Variants in ARV1 observed in about 807,000 individuals in gnomAD.
ARV1 encodes the protein protein ARV1.
ARV1 carries 26 observed loss-of-function variants against 31.1 expected under a neutral mutation model. That is an observed-to-expected ratio of 0.84 (90% CI 0.61 to 1.16). The LOEUF is 1.16. Ranked by LOEUF, ARV1 falls within the 50% of genes most tolerant of loss-of-function variation. The pLI, the probability that ARV1 is intolerant of heterozygous loss-of-function variation, is 0.00. For missense variants in ARV1, 281 were observed against 324.9 expected, an observed-to-expected ratio of 0.86 and a Z score of 1.04; for synonymous variants, 117 against 123.2, an observed-to-expected ratio of 0.95 and a Z score of 0.34.
rs1291276707 is a variant in ARV1, at chr1:230,995,803, A to T, written c.492A>T (p.Val164=). 2.5e-6 allele frequency: 4 copies of T among 1,614,100 alleles called. No homozygotes were observed. The East Asian group carries it at 6.7e-5, about 27-fold the overall frequency. Residue 164 remains valine, a synonymous_variant, in exon 4 of 6, where the codon GTA becomes GTT. Coordinates refer to ENST00000310256, the MANE Select transcript of ARV1 (RefSeq NM_022786.3). The stretch of plus-strand genomic sequence containing the variant: ...TTGGCATTTTTACCTTCCTGTGGGT[A>T]GAACGGCCCATGACGGCAAAAAAAA... ...YFIGIFTFLW[V]ERPMTAKKKP... is the part of the protein sequence containing the mutation.
intron 1 of ARV1, among the ~76,000 whole-genome samples, chr1:230,986,697 TTTTTTTTTTG>T (rs1679087076): frequency 2.9e-5 from 2 of 68,826 alleles, no homozygotes; most frequent in South Asian, 5.2e-4. Flanking sequence ...TTTTTTTTTT[TTTTTTTTTTG>T]AGAGAGAGAG....
intron 1 of ARV1, among the ~76,000 whole-genome samples, chr1:230,985,809 T>C (rs1037913548): frequency 1.3e-5 from 2 of 152,196 alleles, no homozygotes; most frequent in Non-Finnish European, 2.9e-5. Context: ...CTGTTTGTCA[T>C]GGACATGGAA....
intron 3 of ARV1, among the ~76,000 whole-genome samples, chr1:230,994,624 C>G (rs551669602): frequency 6.6e-6 from 1 of 151,136 alleles, no homozygotes; most frequent in East Asian, 2.0e-4. Flanking sequence ...TCACTGCAAG[C>G]TCCGCCTCCC....
At chr1:230,997,644 T>A (rs1471315477) in intron 5 of ARV1, among the ~76,000 whole-genome samples, 2 of 152,166 alleles carry the variant, frequency 1.3e-5, no homozygotes, top group Non-Finnish European at 2.9e-5. Context: ...TCTCACCTCT[T>A]AGTCTCTTGA....
intron 1 of ARV1, among the ~76,000 whole-genome samples, chr1:230,980,871 T>A (rs1209005010): frequency 6.6e-6 from 1 of 152,152 alleles, no homozygotes; most frequent in Non-Finnish European, 1.5e-5. Flanking sequence ...TTCTAAGATA[T>A]GTTTGTACTG....
intron 3 of ARV1, chr1:230,990,492 C>G: frequency 2.2e-6 from 1 of 445,934 alleles, no homozygotes; most frequent in Admixed American, 4.2e-5. Context: ...TTATGCTTAT[C>G]GGATTAGAAA....
chr1:230,997,293 C>T (rs778763361), intron 5 of ARV1, 26 bp downstream of exon 5: 2 of 1,608,896 alleles, frequency 1.2e-6, no homozygotes, highest in Non-Finnish European at 1.7e-6. Flanking sequence ...AGTGTTCATG[C>T]ATTCAGACAT....
At chr1:230,985,131 A>T (rs1016519134) in intron 1 of ARV1, among the ~76,000 whole-genome samples, 3 of 152,240 alleles carry the variant, frequency 2.0e-5, no homozygotes, top group African/African-American at 7.2e-5. Flanking sequence ...GAGTTAGAGT[A>T]AAAACAAGGT....
chr1:230,990,017 A>C (rs1348820563), intron 2 of ARV1, 93 bp from the exon 3 acceptor site: 26 of 1,301,304 alleles, frequency 2.0e-5, no homozygotes, highest in Middle Eastern at 1.9e-4. Context: ...TTGAAAAGTG[A>C]CTAGGTGGGA....
chr1:230,985,486 G>A (rs879943558), intron 1 of ARV1, among the ~76,000 whole-genome samples: 32 of 152,266 alleles, frequency 2.1e-4, no homozygotes, highest in East Asian at 7.7e-4. Flanking sequence ...AAAAGAGAAC[G>A]ATTGTTATAC....
At position 230,997,015 on chromosome 1, in the gene ARV1, G is replaced by T. The variant is rs536191731; in HGVS notation, c.674-106G>T. The T allele has an allele frequency of 3.7e-6, 5 of 1,360,124 alleles. No homozygotes were observed. In the African/African-American group the frequency reaches 4.4e-5, roughly 12 times the overall value. 84.3% of individuals were successfully genotyped at this position (1,360,124 alleles called of 1,614,324 possible). ...GCATAGATTAATAAGAACAAACATT[G>T]ATTTTTCCAAAAACAGCTTTACAAA... On this transcript the variant is annotated intron_variant, in intron 4 of 5. Transcript: ENST00000310256.
chr1:230,991,060 T>C (rs1679215582), intron 3 of ARV1, among the ~76,000 whole-genome samples: 2 of 152,226 alleles, frequency 1.3e-5, no homozygotes, highest in South Asian at 4.1e-4. Flanking sequence ...TGCAGGGAAT[T>C]TGGCTACTCC....
chr1:230,985,178 C>T (rs1679031053), intron 1 of ARV1, among the ~76,000 whole-genome samples: 1 of 152,208 alleles, frequency 6.6e-6, no homozygotes, highest in South Asian at 2.1e-4. Flanking sequence ...AACCAGCAAA[C>T]TTTAATGACT....
At chr1:230,985,977 C>G (rs540357927) in intron 1 of ARV1, among the ~76,000 whole-genome samples, 1 of 151,344 alleles carries the variant, frequency 6.6e-6, no homozygotes, top group South Asian at 2.1e-4. Context: ...AGTGCAGTGG[C>G]GTGAACTCAG....
intron 1 of ARV1, among the ~76,000 whole-genome samples, chr1:230,982,347 AG>A (rs1183425062): frequency 3.9e-4 from 59 of 152,392 alleles, no homozygotes; most frequent in African/African-American, 1.3e-3. Flanking sequence ...TATGGTCTGA[AG>A]AAAAGCTGGT....
Position 230,997,206 on chromosome 1 carries a change from G to C in ARV1, c.759G>C (p.Gln253His), listed in dbSNP as rs1189279824. 14 of 1,613,838 alleles carry C rather than the reference G, an allele frequency of 8.7e-6. No individual in the cohort carries two copies. Among genetic ancestry groups the C allele is most frequent in the African/African-American group, 2.7e-5 (2 of 74,900 alleles). The change falls in exon 5 of 6, where the codon CAG (glutamine) becomes CAC (histidine). Residue 253 changes from glutamine (Q) to histidine (H), a missense_variant. Gln to His is a conservative substitution (Grantham distance 24, BLOSUM62 0). Coordinates refer to ENST00000310256, the MANE Select transcript of ARV1 (RefSeq NM_022786.3). ...AAAGCATCATGGTCTACTTCTTCCAGAGTATGGAATGGGATGTTGGAAGTG... is the reference window on the plus strand; with the variant it reads ...AAAGCATCATGGTCTACTTCTTCCACAGTATGGAATGGGATGTTGGAAGTG... ...LLESIMVYFF[Q>H]SMEWDVGSDY... is the part of the protein sequence containing the mutation.
chr1:230,990,525 A>G, intron 3 of ARV1: 1 of 346,716 alleles, frequency 2.9e-6, no homozygotes, highest in Non-Finnish European at 5.2e-6. Context: ...ATTTCGAAGC[A>G]CAATATTGTT....
At chr1:230,994,386 A>G (rs923010205) in intron 3 of ARV1, among the ~76,000 whole-genome samples, 1 of 152,152 alleles carries the variant, frequency 6.6e-6, no homozygotes, top group Non-Finnish European at 1.5e-5. Flanking sequence ...TTATTCATTC[A>G]AGGAATTATT....
intron 4 of ARV1, among the ~76,000 whole-genome samples, chr1:230,996,567 CT>C (rs1332491022): frequency 6.6e-6 from 1 of 152,114 alleles, no homozygotes; most frequent in East Asian, 1.9e-4. Flanking sequence ...CCAACTCAGC[CT>C]CCTGAAAAGC....
Sources: allele counts gnomAD v4.1 joint callset (sites outside exome capture counted in the v4.1 genomes callset), GRCh38; gene constraint gnomAD v4.1.1; transcripts MANE v1.5; gene names NCBI Gene and HGNC (gene_info 2026-07-23, HGNC 2026-07-21).